The following MALRD1 variants were observed in gnomAD, a reference collection of about 807,000 sequenced individuals.
MALRD1 encodes MAM and LDL-receptor class A domain-containing protein 1.
A neutral mutation model predicts 242.1 loss-of-function variants in MALRD1; 247 were observed. The ratio of observed to expected loss-of-function variants is 1.02; its 90% CI spans 0.92 to 1.13. MALRD1 has a LOEUF of 1.13. Ranked by LOEUF, MALRD1 falls within the 50% of genes most tolerant of loss-of-function variation. The probability of loss-of-function intolerance (pLI) is 0.00; values close to 1 mark genes in which losing one functional copy is unlikely to be tolerated. For synonymous variants in MALRD1, 995 were observed against 866.6 expected, an observed-to-expected ratio of 1.15 and a Z score of -2.60; for missense variants, 2,989 against 2,533.1, an observed-to-expected ratio of 1.18 and a Z score of -3.86.
At chr10:19,047,875 G>A (rs1834378090), upstream of MALRD1, among the ~76,000 whole-genome samples, 3 of 152,164 alleles carry the variant, frequency 2.0e-5, no homozygotes, top group Admixed American at 6.5e-5. Context: ...TACATTCTCC[G>A]GTTATTTTTG....
chr10:19,380,990 T>C (rs1253503015), intron 26 of MALRD1, among the ~76,000 whole-genome samples: 3 of 151,028 alleles, frequency 2.0e-5, no homozygotes, highest in Non-Finnish European at 4.4e-5. Context: ...ACATGTGCCA[T>C]GCTGGTGGGC....
intron 36 of MALRD1, among the ~76,000 whole-genome samples, chr10:19,617,035 A>G (rs895104290): frequency 6.6e-6 from 1 of 151,984 alleles, no homozygotes; most frequent in Non-Finnish European, 1.5e-5. Flanking sequence ...AGAAGTTTGA[A>G]TGATGCCAAA....
chr10:19,275,478 T>C lies in MALRD1; in HGVS notation c.3080-4569T>C, dbSNP rs112275792. Among the ~76,000 whole-genome samples, 121 of 152,002 alleles carry C rather than the reference T, an allele frequency of 8.0e-4. 1 individual carries two copies. Among genetic ancestry groups the C allele is most frequent in the African/African-American group, 2.1e-3 (87 of 41,482 alleles). On this transcript the variant is annotated intron_variant, in intron 19 of 39. Transcript: ENST00000454679. ...GGTCAGGAGATCAAGACCATCCTGG[T>C]TAACACAGTGAAACCCCGTCTCTAC...
intron 28 of MALRD1, among the ~76,000 whole-genome samples, chr10:19,393,018 A>G (rs1446058785): frequency 6.6e-6 from 1 of 152,132 alleles, no homozygotes; most frequent in Non-Finnish European, 1.5e-5. Flanking sequence ...CTAAGTTATA[A>G]ACTCAAGGTC....
At chr10:19,694,548 G>A (rs578087507) in intron 38 of MALRD1, among the ~76,000 whole-genome samples, 1 of 152,164 alleles carries the variant, frequency 6.6e-6, no homozygotes, top group Non-Finnish European at 1.5e-5. Context: ...AGTTAGAATG[G>A]CGATCATTAA....
At chr10:19,196,180 GA>G (rs968860538) in intron 14 of MALRD1, among the ~76,000 whole-genome samples, 37 of 151,784 alleles carry the variant, frequency 2.4e-4, no homozygotes, top group African/African-American at 8.7e-4. Flanking sequence ...CTATAAGAAA[GA>G]AAAAAAAGTT....
chr10:19,331,697 G>A, intron 24 of MALRD1, 115 bp downstream of exon 24: 1 of 791,834 alleles, frequency 1.3e-6, no homozygotes, highest in Non-Finnish European at 2.0e-6. Context: ...CCAGGGGAAG[G>A]TAAGGTGATT....
chr10:19,716,220 G>C (rs1834379219), intron 38 of MALRD1, among the ~76,000 whole-genome samples: 1 of 152,184 alleles, frequency 6.6e-6, no homozygotes, highest in Non-Finnish European at 1.5e-5. Context: ...GGTATGGTTT[G>C]GATCTGTGTC....
chr10:19,112,962 C>G (rs1836732404), intron 5 of MALRD1, among the ~76,000 whole-genome samples: 1 of 151,802 alleles, frequency 6.6e-6, no homozygotes, highest in Non-Finnish European at 1.5e-5. Flanking sequence ...TTTTTTTCAC[C>G]TTTATATCAA....
chr10:19,230,705 A>G (rs1204909879), intron 18 of MALRD1, among the ~76,000 whole-genome samples: 1 of 152,156 alleles, frequency 6.6e-6, no homozygotes, highest in Non-Finnish European at 1.5e-5. Flanking sequence ...GGGAAAAGGG[A>G]GAGAGTTAGC....
At chr10:19,479,731 A>G (rs1836901123) in intron 29 of MALRD1, among the ~76,000 whole-genome samples, 1 of 152,190 alleles carries the variant, frequency 6.6e-6, no homozygotes, top group African/African-American at 2.4e-5. Context: ...TATCCATTTT[A>G]CAGCAGCTGT....
chr10:19,513,649 G>T (rs565751629), intron 31 of MALRD1, among the ~76,000 whole-genome samples: 19 of 152,084 alleles, frequency 1.2e-4, no homozygotes, highest in Admixed American at 1.0e-3. Flanking sequence ...TGAGGCAGGA[G>T]AATGGTGTGA....
At chr10:19,589,749 C>G (rs572325430) in intron 33 of MALRD1, among the ~76,000 whole-genome samples, 4 of 152,324 alleles carry the variant, frequency 2.6e-5, no homozygotes, top group African/African-American at 9.6e-5. Context: ...ATCAACGTTT[C>G]TGAGTGCCCA....
intron 36 of MALRD1, among the ~76,000 whole-genome samples, chr10:19,622,183 T>C (rs529207151): frequency 9.2e-4 from 131 of 142,116 alleles, no homozygotes; most frequent in Admixed American, 2.9e-3. Context: ...AAAAAAATTA[T>C]TAAGAATCAG....
chr10:19,529,605 AAT>A (rs1834257641), intron 31 of MALRD1, among the ~76,000 whole-genome samples: 1 of 151,940 alleles, frequency 6.6e-6, no homozygotes, highest in South Asian at 2.1e-4. Flanking sequence ...AATGAAGACA[AAT>A]ATGGTAAATG....
chr10:19,134,136 G>A (rs976141629), intron 9 of MALRD1, among the ~76,000 whole-genome samples, 188 bp downstream of exon 9: 4 of 152,056 alleles, frequency 2.6e-5, no homozygotes, highest in South Asian at 2.1e-4. Context: ...ATTTCCCATG[G>A]CGGGGGAAAT....
chr10:19,351,656 T>C (rs889936162), intron 25 of MALRD1, among the ~76,000 whole-genome samples: 2 of 152,240 alleles, frequency 1.3e-5, no homozygotes, highest in Non-Finnish European at 2.9e-5. Context: ...TCTTTTTGTA[T>C]AATGCATAGC....
At chr10:19,255,146 C>G (rs181609904) in intron 18 of MALRD1, among the ~76,000 whole-genome samples, 1 of 152,052 alleles carries the variant, frequency 6.6e-6, no homozygotes, top group Admixed American at 6.6e-5. Flanking sequence ...ATAACATTTC[C>G]AAGACGATGA....
At chr10:19,655,420 T>C (rs1841096562) in intron 36 of MALRD1, among the ~76,000 whole-genome samples, 1 of 151,296 alleles carries the variant, frequency 6.6e-6, no homozygotes, top group African/African-American at 2.4e-5. Context: ...AATGTAATTA[T>C]TGTTGATTTG....
Sources: allele counts gnomAD v4.1 joint callset (sites outside exome capture counted in the v4.1 genomes callset), GRCh38; gene constraint gnomAD v4.1.1; transcripts MANE v1.5; gene names NCBI Gene and HGNC (gene_info 2026-07-23, HGNC 2026-07-21).